DPF2: variants seen among roughly 807,000 people sequenced by gnomAD.
DPF2 encodes the protein zinc finger protein ubi-d4.
In DPF2, 10 loss-of-function variants were observed where a neutral mutation model predicts 59.6. The ratio of observed to expected loss-of-function variants is 0.17; its 90% CI spans 0.10 to 0.28. DPF2 has a LOEUF of 0.28. Ranked by LOEUF, DPF2 falls within the 10% of genes least tolerant of loss-of-function variation. DPF2 has a pLI of 1.00. For missense variants in DPF2, 315 were observed against 509.4 expected (o/e 0.62, Z 3.67); for synonymous variants, 189 against 190.6 (o/e 0.99, Z 0.07).
At position 65,333,899 on chromosome 11, in the gene DPF2, G is replaced by A; in HGVS notation, c.13G>A (p.Val5Met). The change falls in exon 1 of 11, where the codon GTG becomes ATG. Residue 5 changes from valine to methionine, a missense_variant. Around this residue, in one of 4 missense-constraint regions of DPF2, gnomAD observed 228 missense variants for 275.3 expected, o/e 0.83. Coordinates refer to ENST00000528416, the MANE Select transcript of DPF2 (RefSeq NM_006268.5). MAAV[V>M]ENVVKLLGEQ... Reference sequence around the variant, plus strand: ...AGGAACAGGGAAGATGGCGGCTGTGGTGGAGAATGTAGTGAAGCTGTGAGT... The same window carrying A: ...AGGAACAGGGAAGATGGCGGCTGTGATGGAGAATGTAGTGAAGCTGTGAGT... 3 of 1,614,040 alleles carry A rather than the reference G, an allele frequency of 1.9e-6. No individual in the cohort carries two copies. The highest frequency in any genetic ancestry group is 2.5e-6 in the Non-Finnish European group (3 of 1,179,960).
chr11:65,340,593 A>AG (rs772947677), intron 2 of DPF2, 48 bp downstream of exon 2: 1 of 1,605,034 alleles, frequency 6.2e-7, no homozygotes, highest in Non-Finnish European at 8.5e-7. Context: ...ATAAGGAGGA[A>AG]GAAGCCTCCT....
At chr11:65,350,904 G>T (rs1408074504) in intron 10 of DPF2, among the ~76,000 whole-genome samples, 1 of 151,580 alleles carries the variant, frequency 6.6e-6, no homozygotes, top group Non-Finnish European at 1.5e-5. Context: ...GCTTGAATCT[G>T]GGAGGCAGAG....
At chr11:65,350,182 G>A (rs75834053) in intron 10 of DPF2, among the ~76,000 whole-genome samples, 2 of 152,220 alleles carry the variant, frequency 1.3e-5, no homozygotes, top group East Asian at 3.9e-4. Flanking sequence ...GTAGTGGAGA[G>A]CTGCAGGCCC....
intron 4 of DPF2, chr11:65,343,381 T>C (rs149124566): frequency 1.6e-4 from 32 of 200,770 alleles, no homozygotes; most frequent in Middle Eastern, 1.8e-3. Context: ...AGGAGGCGAG[T>C]GTCAGGACAG....
In DPF2 at chr11:65,351,947, C is replaced by T. The variant is rs1042558862; in HGVS notation, c.*188C>T. 4.8e-6 allele frequency: 3 copies of T among 627,190 alleles called. No individual in the cohort carries two copies. Among genetic ancestry groups the T allele is most frequent in the Middle Eastern group, 4.3e-4 (1 of 2,328 alleles). 38.9% of individuals were successfully genotyped at this position (627,190 alleles called of 1,614,324 possible). A position where few individuals can be genotyped will look rare whatever the true frequency, so the allele number is the denominator to read the frequency against. Reference sequence around the variant, plus strand: ...CTCTGACCACCTCTGGCCCCAGGCCCTCAGGGAGAAAGGAGCAACACACTG... The same window carrying T: ...CTCTGACCACCTCTGGCCCCAGGCCTTCAGGGAGAAAGGAGCAACACACTG... On this transcript the variant is annotated 3_prime_UTR_variant, in exon 11 of 11. Coordinates refer to ENST00000528416, the MANE Select transcript of DPF2 (RefSeq NM_006268.5).
chr11:65,344,077 C>A lies in DPF2; in HGVS notation c.637+8C>A. ...AGCCCTATGCCTGTGACAGTGAGTG[C>A]CTCACAAGTGGGTGGGTAGACCTTG... On this transcript the variant is annotated splice_region_variant and intron_variant, in intron 6 of 10. Transcript: ENST00000528416. 6.2e-7 allele frequency: 1 copy of A among 1,613,962 alleles called. No individual in the cohort carries two copies. The highest frequency in any genetic ancestry group is 8.5e-7 in the Non-Finnish European group (1 of 1,179,894).
intron 1 of DPF2, among the ~76,000 whole-genome samples, chr11:65,336,864 G>A (rs532620518): frequency 5.1e-4 from 78 of 151,472 alleles, no homozygotes; most frequent in Admixed American, 4.2e-3. Context: ...GCTGAGGCGG[G>A]CGGATCACAA....
In DPF2 at chr11:65,353,380, T is replaced by TTA. The variant is rs1043980886; in HGVS notation, c.*1626_*1627dup. The TTA allele has an allele frequency of 6.6e-6, 1 of 152,080 alleles. No homozygotes were observed. The highest frequency in any genetic ancestry group is 2.4e-5 in the African/African-American group (1 of 41,324). The allele number at this position is 152,080 out of a possible 1,614,324, so 9.4% of individuals were successfully genotyped here. A position where few individuals can be genotyped will look rare whatever the true frequency, so the allele number is the denominator to read the frequency against. On this transcript the variant is annotated 3_prime_UTR_variant, in exon 11 of 11. Coordinates refer to ENST00000528416, the MANE Select transcript of DPF2 (RefSeq NM_006268.5). The stretch of plus-strand genomic sequence containing the variant: ...AGACATTTAAAACAGGACCAGAAGT[T>TTA]TATATAAATATAATTAATAAGCAAA...
chr11:65,348,727 A>G, intron 9 of DPF2, 123 bp from the exon 10 acceptor site: 1 of 854,386 alleles, frequency 1.2e-6, no homozygotes, highest in South Asian at 1.8e-5. Context: ...ATGGTTTCCC[A>G]CATAAGATTC....
intron 9 of DPF2, chr11:65,347,043 C>T (rs1031267414): frequency 4.7e-5 from 7 of 150,076 alleles, no homozygotes; most frequent in Admixed American, 2.7e-4. Flanking sequence ...GAGATGGAGT[C>T]TTGCTCTGTC....
intron 1 of DPF2, among the ~76,000 whole-genome samples, 169 bp from the exon 2 acceptor site, chr11:65,340,216 A>G (rs1854320951): frequency 6.6e-6 from 1 of 152,240 alleles, no homozygotes; most frequent in South Asian, 2.1e-4. Context: ...GATGGCCTAG[A>G]AAAGGGGCTT....
chr11:65,341,137 G>A, intron 3 of DPF2, 64 bp downstream of exon 3: 2 of 1,534,884 alleles, frequency 1.3e-6, no homozygotes, highest in South Asian at 2.3e-5. Flanking sequence ...GCTAATCACT[G>A]TGATATACCA....
intron 6 of DPF2, chr11:65,344,303 C>T (rs914442014): frequency 1.6e-6 from 1 of 617,624 alleles, no homozygotes; most frequent in South Asian, 2.0e-5. Context: ...GGTAGGGTTG[C>T]TTGTGGGGGC....
At chr11:65,340,839 G>C in intron 2 of DPF2, 127 bp from the exon 3 acceptor site, 1 of 966,620 alleles carries the variant, frequency 1.0e-6, no homozygotes, top group Non-Finnish European at 1.5e-6. Flanking sequence ...TAACCCCCTA[G>C]GCCCTCACTG....
At chr11:65,346,199 T>TC (rs1446441191) in intron 8 of DPF2, 48 bp from the exon 9 acceptor site, 26 of 1,602,546 alleles carry the variant, frequency 1.6e-5, no homozygotes, top group Non-Finnish European at 2.0e-5. Flanking sequence ...GCTCCTCTCT[T>TC]CCCCCCGCAT....
intron 5 of DPF2, 26 bp downstream of exon 5, chr11:65,343,863 T>C: frequency 6.3e-7 from 1 of 1,583,204 alleles, no homozygotes; most frequent in Non-Finnish European, 8.6e-7. Context: ...GCTGCCTGCA[T>C]CTTGGGACAG....
Position 65,353,017 on chromosome 11 carries a change from A to G in DPF2, c.*1258A>G, listed in dbSNP as rs1854769647. The G allele has an allele frequency of 6.6e-6, 1 of 150,790 alleles. No homozygotes were observed. Among genetic ancestry groups the G allele is most frequent in the Non-Finnish European group, 1.5e-5 (1 of 67,828 alleles). 9.3% of individuals were successfully genotyped at this position (150,790 alleles called of 1,614,324 possible). The stretch of plus-strand genomic sequence containing the variant: ...GATGGTTTATCTCCTGCCTTTCTCC[A>G]TTAAGAAGGCCATTTCATCCTAAGA... On this transcript the variant is annotated 3_prime_UTR_variant, in exon 11 of 11. Coordinates refer to ENST00000528416, the MANE Select transcript of DPF2 (RefSeq NM_006268.5).
intron 1 of DPF2, among the ~76,000 whole-genome samples, chr11:65,334,395 G>A (rs1950069387): frequency 6.6e-6 from 1 of 152,176 alleles, no homozygotes; most frequent in African/African-American, 2.4e-5. Context: ...TCAGTTCCAG[G>A]CAGCCCCGTG....
intron 10 of DPF2, among the ~76,000 whole-genome samples, chr11:65,350,966 G>C (rs886769594): frequency 6.6e-6 from 1 of 150,734 alleles, no homozygotes; most frequent in Non-Finnish European, 1.5e-5. Context: ...GCAACAGAGC[G>C]GAAACTCTTG....
Sources: allele counts gnomAD v4.1 joint callset (sites outside exome capture counted in the v4.1 genomes callset), GRCh38; gene constraint gnomAD v4.1.1; regional missense constraint gnomAD v4.1.1; transcripts MANE v1.5; gene names NCBI Gene and HGNC (gene_info 2026-07-23, HGNC 2026-07-21).